The following UBE2D1 variants were observed in gnomAD, a reference collection of about 807,000 sequenced individuals.
UBE2D1 encodes the protein ubiquitin conjugating enzyme E2 D1, also known as ubiquitin-conjugating enzyme E2 D1.
UBE2D1 carries 9 observed loss-of-function variants against 24.6 expected under a neutral mutation model. The observed-to-expected ratio is 0.37, with a 90% confidence interval of 0.22 to 0.64. The LOEUF (loss-of-function observed/expected upper bound fraction) is 0.64. Ranked by LOEUF, UBE2D1 falls within the 30% of genes least tolerant of loss-of-function variation. The pLI is 0.64. For synonymous variants in UBE2D1, 57 were observed against 57.6 expected (o/e 0.99, Z 0.04); for missense variants, 87 against 177.1 (o/e 0.49, Z 2.89).
chr10:58,370,561 G>A lies in UBE2D1; in HGVS notation c.*1796G>A, dbSNP rs1840304930. The stretch of plus-strand genomic sequence containing the variant: ...ATTCTACTTAGCTATATTATTATAA[G>A]CTACATTTGCCCTGAATTTGAACAC... On this transcript the variant is annotated 3_prime_UTR_variant, in exon 7 of 7. Transcript: ENST00000373910. 1 of 152,018 alleles carries A rather than the reference G, an allele frequency of 6.6e-6. No individual in the cohort carries two copies. The highest frequency in any genetic ancestry group is 1.5e-5 in the Non-Finnish European group (1 of 67,912). The allele number at this position is 152,018 out of a possible 1,614,324, so 9.4% of individuals were successfully genotyped here. A position where few individuals can be genotyped will look rare whatever the true frequency, so the allele number is the denominator to read the frequency against.
At chr10:58,360,771 G>A (rs979860225) in intron 1 of UBE2D1, 7 of 273,118 alleles carry the variant, frequency 2.6e-5, no homozygotes, top group Non-Finnish European at 4.5e-5. Flanking sequence ...AAAATTAGCC[G>A]GGTGTGCTGG....
intron 1 of UBE2D1, among the ~76,000 whole-genome samples, chr10:58,343,386 TTTAGTG>T (rs201596414): frequency 0.013 from 2,046 of 152,288 alleles, 20 homozygotes; most frequent in Admixed American, 0.019. Context: ...TGAAATTTGT[TTTAGTG>T]TGTGTGTGTG....
rs549304804 is a variant in UBE2D1, at chr10:58,368,161, T to C, written c.398+145T>C. On this transcript the variant is annotated intron_variant, in intron 6 of 6. Transcript: ENST00000373910. ...ATCTTTTTCCAATGGAGTAAACCTT[T>C]CTTTGAGAACTCTGTTAGACCTTTT... The C allele has an allele frequency of 1.6e-4, 91 of 580,992 alleles. 2 individuals carry two copies. In the South Asian group the frequency reaches 2.1e-3, roughly 13 times the overall value. 36.0% of individuals were successfully genotyped at this position (580,992 alleles called of 1,614,324 possible).
intron 6 of UBE2D1, 76 bp from the exon 7 acceptor site, chr10:58,368,640 AATAT>A: frequency 2.1e-6 from 2 of 932,092 alleles, no homozygotes; most frequent in Non-Finnish European, 3.1e-6. Flanking sequence ...AAGAAGGTAG[AATAT>A]ATAGTTTTAT....
chr10:58,353,200 T>G (rs1298639998), intron 1 of UBE2D1, among the ~76,000 whole-genome samples: 2 of 152,218 alleles, frequency 1.3e-5, no homozygotes, highest in African/African-American at 2.4e-5. Flanking sequence ...ACTATTGCAT[T>G]AAATCTTTAA....
chr10:58,342,402 T>G (rs1839970777), intron 1 of UBE2D1, among the ~76,000 whole-genome samples: 1 of 152,134 alleles, frequency 6.6e-6, no homozygotes, highest in Non-Finnish European at 1.5e-5. Context: ...GTTGGTTCCT[T>G]CACCTTAAGC....
chr10:58,342,709 G>A (rs961508837), intron 1 of UBE2D1, among the ~76,000 whole-genome samples: 2 of 151,650 alleles, frequency 1.3e-5, no homozygotes, highest in Non-Finnish European at 2.9e-5. Flanking sequence ...TTTGCCATAT[G>A]TTTGGAGATT....
At chr10:58,354,007 AG>A (rs1840104178) in intron 1 of UBE2D1, among the ~76,000 whole-genome samples, 1 of 152,222 alleles carries the variant, frequency 6.6e-6, no homozygotes, top group African/African-American at 2.4e-5. Context: ...TAAAATTCTT[AG>A]TTTTAAAAAA....
chr10:58,357,481 A>C (rs1484941576), intron 1 of UBE2D1, among the ~76,000 whole-genome samples: 1 of 152,162 alleles, frequency 6.6e-6, no homozygotes, highest in Non-Finnish European at 1.5e-5. Flanking sequence ...AAGCAAAAAA[A>C]GTGGGGTTTT....
intron 1 of UBE2D1, among the ~76,000 whole-genome samples, chr10:58,355,289 G>T (rs1205825433): frequency 1.3e-5 from 2 of 152,182 alleles, no homozygotes; most frequent in African/African-American, 4.8e-5. Flanking sequence ...ATAATGAAAA[G>T]ATGTTCACTG....
chr10:58,366,272 T>C (rs888715317), intron 5 of UBE2D1, among the ~76,000 whole-genome samples: 2 of 152,244 alleles, frequency 1.3e-5, no homozygotes, highest in Non-Finnish European at 2.9e-5. Context: ...TGTTAGATTC[T>C]GGAAACCATC....
chr10:58,340,550 A>G (rs539207581), intron 1 of UBE2D1, among the ~76,000 whole-genome samples: 1 of 152,306 alleles, frequency 6.6e-6, no homozygotes, highest in East Asian at 1.9e-4. Flanking sequence ...CTGTAATATT[A>G]TTACTGAACC....
intron 1 of UBE2D1, among the ~76,000 whole-genome samples, chr10:58,354,914 T>A (rs1840114660): frequency 6.6e-6 from 1 of 152,212 alleles, no homozygotes; most frequent in African/African-American, 2.4e-5. Context: ...ATCCACTGCA[T>A]TAACATAAAT....
chr10:58,363,555 T>A, intron 3 of UBE2D1, 54 bp from the exon 4 acceptor site: 1 of 1,271,040 alleles, frequency 7.9e-7, no homozygotes, highest in South Asian at 1.4e-5. Flanking sequence ...ATAATTTTGT[T>A]GTTATAAATA....
intron 1 of UBE2D1, among the ~76,000 whole-genome samples, chr10:58,350,909 A>G (rs1470511642): frequency 6.6e-6 from 1 of 152,238 alleles, no homozygotes; most frequent in East Asian, 1.9e-4. Context: ...CTCCTAGGCT[A>G]GAAACCTATA....
chr10:58,366,228 C>T (rs1158506085), intron 5 of UBE2D1, among the ~76,000 whole-genome samples: 1 of 152,196 alleles, frequency 6.6e-6, no homozygotes, highest in Non-Finnish European at 1.5e-5. Context: ...TACTTATATT[C>T]TGACATTGGT....
At position 58,370,149 on chromosome 10, in the gene UBE2D1, G is replaced by A. The variant is rs1564563711; in HGVS notation, c.*1384G>A. 6.6e-6 allele frequency: 1 copy of A among 151,534 alleles called. No homozygotes were observed. Among genetic ancestry groups the A allele is most frequent in the Non-Finnish European group, 1.5e-5 (1 of 67,800 alleles). The allele number at this position is 151,534 out of a possible 1,614,324, so 9.4% of individuals were successfully genotyped here. On this transcript the variant is annotated 3_prime_UTR_variant, in exon 7 of 7. Transcript: ENST00000373910. ...ATCGAAAAGTGATTTAAATAAGCAG[G>A]TTATCTTTATAGATTTTAAAGAAAA...
intron 1 of UBE2D1, among the ~76,000 whole-genome samples, chr10:58,357,762 C>A (rs1030957481): frequency 6.6e-6 from 1 of 152,196 alleles, no homozygotes; most frequent in Admixed American, 6.5e-5. Context: ...GGAATCTAGA[C>A]CCTCCTAAAA....
intron 1 of UBE2D1, among the ~76,000 whole-genome samples, chr10:58,347,639 CTTTTT>C (rs774396274): frequency 6.9e-5 from 8 of 116,222 alleles, no homozygotes; most frequent in Admixed American, 8.8e-5. Flanking sequence ...AAATTACACT[CTTTTT>C]TTTTTTTTTT....
Sources: allele counts gnomAD v4.1 joint callset (sites outside exome capture counted in the v4.1 genomes callset), GRCh38; gene constraint gnomAD v4.1.1; transcripts MANE v1.5; gene names NCBI Gene and HGNC (gene_info 2026-07-23, HGNC 2026-07-21).